The following ESYT3 variants were observed in gnomAD, a reference collection of about 807,000 sequenced individuals.
ESYT3 encodes the protein extended synaptotagmin-3.
In ESYT3, 101 loss-of-function variants were observed where a neutral mutation model predicts 111.5. The observed-to-expected ratio is 0.91, with a 90% CI of 0.77 to 1.07. The LOEUF (loss-of-function observed/expected upper bound fraction) is 1.07, where lower values mean the gene tolerates loss of function less well. ESYT3 is among the 50% of genes least tolerant of loss of function. The pLI, the probability that ESYT3 is intolerant of heterozygous loss-of-function variation, is 0.00. For synonymous variants in ESYT3, 416 were observed against 446.8 expected (o/e 0.93, Z 0.87); for missense variants, 1,097 against 1,109.4 (o/e 0.99, Z 0.16).
At chr3:138,471,810 A>T (rs1019045584) in intron 17 of ESYT3, among the ~76,000 whole-genome samples, 3 of 152,218 alleles carry the variant, frequency 2.0e-5, no homozygotes, top group Non-Finnish European at 4.4e-5. Context: ...TCAAGATCCC[A>T]TAGGTAGCTC....
intron 1 of ESYT3, among the ~76,000 whole-genome samples, chr3:138,443,291 G>T (rs1235903781): frequency 6.6e-6 from 1 of 152,194 alleles, no homozygotes; most frequent in East Asian, 1.9e-4. Flanking sequence ...ACTTGAGCTG[G>T]GTAATTTAAA....
At chr3:138,458,117 A>G (rs140760875) in intron 4 of ESYT3, among the ~76,000 whole-genome samples, 101 of 152,318 alleles carry the variant, frequency 6.6e-4, no homozygotes, top group African/African-American at 2.4e-3. Context: ...AGGGAGATTC[A>G]GTCCAGGAAG....
At chr3:138,444,087 TC>T (rs1381887250) in intron 1 of ESYT3, among the ~76,000 whole-genome samples, 2 of 152,240 alleles carry the variant, frequency 1.3e-5, no homozygotes, top group Non-Finnish European at 2.9e-5. Flanking sequence ...TGGTGGCCTG[TC>T]TAGCATGGAA....
chr3:138,459,248 A>G lies in ESYT3; in HGVS notation c.643A>G (p.Ile215Val). The G allele has an allele frequency of 3.2e-6, 5 of 1,556,888 alleles. No homozygotes were observed. The highest frequency in any genetic ancestry group is 4.4e-6 in the Non-Finnish European group (5 of 1,144,124). The change falls in exon 5 of 23, where the codon ATC (isoleucine) becomes GTC (valine). Residue 215 changes from isoleucine (I) to valine (V), a missense_variant. Ile to Val is a conservative substitution (Grantham distance 29). Coordinates refer to ENST00000389567, the MANE Select transcript of ESYT3 (RefSeq NM_031913.5). Reference sequence around the variant, plus strand: ...GAAGATTCAGGCTGGTGTGAACGGGATCCAGGTGGGTGGAGCCCGGTGGGG... The same window carrying G: ...GAAGATTCAGGCTGGTGTGAACGGGGTCCAGGTGGGTGGAGCCCGGTGGGG... Reference protein sequence around the residue: ...LQKIQAGVNGIQLQGTLRVIL... With the variant: ...LQKIQAGVNGVQLQGTLRVIL...
intron 1 of ESYT3, among the ~76,000 whole-genome samples, chr3:138,447,427 A>G (rs563216421): frequency 8.5e-5 from 13 of 152,334 alleles, no homozygotes; most frequent in African/African-American, 2.6e-4. Flanking sequence ...TATTTTGAAA[A>G]CTCATTAAGA....
At chr3:138,452,280 C>T (rs111562841) in intron 2 of ESYT3, among the ~76,000 whole-genome samples, 191 bp downstream of exon 2, 5,907 of 152,236 alleles carry the variant, frequency 0.039, 366 homozygotes, top group African/African-American at 0.13. Context: ...GAAATTAATA[C>T]GTGGTCACAG....
intron 3 of ESYT3, among the ~76,000 whole-genome samples, chr3:138,455,653 A>G (rs1288424645): frequency 5.9e-5 from 9 of 152,238 alleles, no homozygotes; most frequent in Admixed American, 5.9e-4. Flanking sequence ...AGACAGATAC[A>G]AAGATGGAAA....
intron 3 of ESYT3, among the ~76,000 whole-genome samples, chr3:138,456,933 C>A (rs2032309554): frequency 6.6e-6 from 1 of 152,152 alleles, no homozygotes; most frequent in South Asian, 2.1e-4. Context: ...CCCAGCCCTG[C>A]AGGAGAAACA....
chr3:138,456,005 G>C (rs1316371233), intron 3 of ESYT3, among the ~76,000 whole-genome samples: 1 of 152,322 alleles, frequency 6.6e-6, no homozygotes, highest in Non-Finnish European at 1.5e-5. Flanking sequence ...CAGTAAATGA[G>C]AGGCACTGGC....
rs758998727 is a variant in ESYT3, at chr3:138,472,790, C to A, written c.2168C>A (p.Pro723His). ...PFAWPPKRLA[P>H]SMSSLNSLAS... ...GCATGGCCGCCCAAGAGGCTGGCTC[C>A]CAGCATGTCCTCGCTCAACTCCTTG... The change falls in exon 18 of 23, where the codon CCC becomes CAC. Residue 723 changes from proline to histidine, a missense_variant. By Grantham distance (77) the Pro-to-His change is moderately conservative (BLOSUM62 -2). Transcript: ENST00000389567. 5.0e-6 allele frequency: 8 copies of A among 1,614,098 alleles called. No individual in the cohort carries two copies. The highest frequency in any genetic ancestry group is 6.8e-6 in the Non-Finnish European group (8 of 1,180,052).
rs1024454995 is a variant in ESYT3, at chr3:138,478,329, T to G, written c.*1475T>G. ...ACCATCCAAGACCGTGTTAAGTACA[T>G]AGAAGATGCATGGTGAAATTCGTTT... On this transcript the variant is annotated 3_prime_UTR_variant, in exon 23 of 23. Transcript: ENST00000389567. 1.3e-5 allele frequency: 2 copies of G among 152,202 alleles called. No individual in the cohort carries two copies. Among genetic ancestry groups the G allele is most frequent in the African/African-American group, 2.4e-5 (1 of 41,446 alleles). The allele number at this position is 152,202 out of a possible 1,614,324, so 9.4% of individuals were successfully genotyped here.
At chr3:138,448,213 G>A (rs1241513770) in intron 1 of ESYT3, among the ~76,000 whole-genome samples, 1 of 144,338 alleles carries the variant, frequency 6.9e-6, no homozygotes, top group Admixed American at 7.1e-5. Flanking sequence ...GTTGCAGTGA[G>A]CCGAGATTGC....
At chr3:138,449,204 C>T (rs2031770247) in intron 1 of ESYT3, among the ~76,000 whole-genome samples, 2 of 151,296 alleles carry the variant, frequency 1.3e-5, no homozygotes, top group South Asian at 4.2e-4. Flanking sequence ...TCTGCCTCAG[C>T]CTCCTGAGTA....
At position 138,440,546 on chromosome 3, in the gene ESYT3, A is replaced by G. The variant is rs2031069114; in HGVS notation, c.327+5421A>G. On this transcript the variant is annotated intron_variant, in intron 1 of 22. Coordinates refer to ENST00000389567, the MANE Select transcript of ESYT3 (RefSeq NM_031913.5). The surrounding 1 kb of genome is among the most constrained non-coding windows in gnomAD (Gnocchi z 4.2). ...GCCAGGGCCGTGGAACCTGATTTTAAACATCAGGACTGGTTGGGTGCTGCT... is the reference window on the plus strand; with the variant it reads ...GCCAGGGCCGTGGAACCTGATTTTAGACATCAGGACTGGTTGGGTGCTGCT... 6.6e-6 allele frequency among the ~76,000 whole-genome samples: 1 copy of G among 152,174 alleles called. No individual in the cohort carries two copies. The highest frequency in any genetic ancestry group is 1.5e-5 in the Non-Finnish European group (1 of 68,028).
intron 8 of ESYT3, among the ~76,000 whole-genome samples, chr3:138,463,587 T>C (rs2032766388): frequency 2.0e-5 from 3 of 152,266 alleles, no homozygotes; most frequent in Admixed American, 2.0e-4. Context: ...AGTAGTGTAA[T>C]GAATAGCCTT....
At chr3:138,446,864 A>AAAACAAAC (rs59182962) in intron 1 of ESYT3, among the ~76,000 whole-genome samples, 1 of 152,074 alleles carries the variant, frequency 6.6e-6, no homozygotes, top group South Asian at 2.1e-4. Context: ...CGTCTCTACC[A>AAAACAAAC]AAACAAACAA....
Position 138,469,510 on chromosome 3 carries a change from A to G in ESYT3, c.1503+6A>G, listed in dbSNP as rs773929025. 1.2e-6 allele frequency: 2 copies of G among 1,613,400 alleles called. No homozygotes were observed. The highest frequency in any genetic ancestry group is 3.3e-5 in the Admixed American group (2 of 60,026). Reference sequence around the variant, plus strand: ...AGAAGACACATACAAGTAAGGTAAGACAGCTTGGTGTGTAGCCCTGGGGTA... The same window carrying G: ...AGAAGACACATACAAGTAAGGTAAGGCAGCTTGGTGTGTAGCCCTGGGGTA... On this transcript the variant is annotated splice_donor_region_variant and intron_variant, in intron 15 of 22. Transcript: ENST00000389567.
rs896597901 is a variant in ESYT3 at position 138,468,953 on chromosome 3, C to G, written c.1434+72C>G. On this transcript the variant is annotated intron_variant, in intron 14 of 22. Coordinates refer to ENST00000389567, the MANE Select transcript of ESYT3 (RefSeq NM_031913.5). ...TTCTCTCCCCAGAGTAACCACAACCCCATGTCTTCTGGGCCACAGTCTGTG... is the reference window on the plus strand; with the variant it reads ...TTCTCTCCCCAGAGTAACCACAACCGCATGTCTTCTGGGCCACAGTCTGTG... The G allele has an allele frequency of 5.4e-6, 8 of 1,485,774 alleles. No homozygotes were observed. In the African/African-American group the frequency reaches 1.1e-4, roughly 21 times the overall value. 92.0% of individuals were successfully genotyped at this position (1,485,774 alleles called of 1,614,324 possible). A position where few individuals can be genotyped will look rare whatever the true frequency, so the allele number is the denominator to read the frequency against.
chr3:138,438,898 G>T (rs1238193069), intron 1 of ESYT3, among the ~76,000 whole-genome samples: 1 of 152,178 alleles, frequency 6.6e-6, no homozygotes, highest in Non-Finnish European at 1.5e-5. Context: ...AAGAAGGCAG[G>T]GTGGCCCCCG....
Sources: allele counts gnomAD v4.1 joint callset (sites outside exome capture counted in the v4.1 genomes callset), GRCh38; gene constraint gnomAD v4.1.1; non-coding constraint Gnocchi (gnomAD v3.1); transcripts MANE v1.5; gene names NCBI Gene and HGNC (gene_info 2026-07-23, HGNC 2026-07-21).